DGKI: variants seen among roughly 807,000 people sequenced by gnomAD.
DGKI encodes the protein DAG kinase iota.
A neutral mutation model predicts 147.5 loss-of-function variants in DGKI; 55 were observed. That is an observed-to-expected ratio of 0.37 (90% CI 0.30 to 0.47). The LOEUF (loss-of-function observed/expected upper bound fraction) is 0.47, where lower values mean the gene tolerates loss of function less well. Ranked by LOEUF, DGKI falls within the 20% of genes least tolerant of loss-of-function variation. The probability of loss-of-function intolerance (pLI) is 1.00; values close to 1 mark genes in which losing one functional copy is unlikely to be tolerated. For missense variants in DGKI, 1,007 were observed against 1,323.8 expected (o/e 0.76, Z 3.71); for synonymous variants, 469 against 477.1 (o/e 0.98, Z 0.22).
chr7:137,470,416 G>C (rs1038023547), intron 23 of DGKI, among the ~76,000 whole-genome samples: 1 of 151,948 alleles, frequency 6.6e-6, no homozygotes, highest in Admixed American at 6.6e-5. Context: ...TTTAGACTCT[G>C]GACTATCTTT....
intron 1 of DGKI, among the ~76,000 whole-genome samples, chr7:137,714,679 C>A (rs1794324067): frequency 6.6e-6 from 1 of 152,190 alleles, no homozygotes; most frequent in East Asian, 1.9e-4. Context: ...TATTTCAGTT[C>A]ACCCTAACCA....
intron 1 of DGKI, among the ~76,000 whole-genome samples, chr7:137,711,265 T>C (rs1794202941): frequency 6.6e-6 from 1 of 152,176 alleles, no homozygotes; most frequent in Non-Finnish European, 1.5e-5. Flanking sequence ...CCCTAGATAA[T>C]CTCTGGTATA....
At chr7:137,788,408 G>A (rs937853844) in intron 1 of DGKI, among the ~76,000 whole-genome samples, 2 of 151,792 alleles carry the variant, frequency 1.3e-5, no homozygotes, top group Non-Finnish European at 2.9e-5. Context: ...TTCTAAACTG[G>A]AACACTCAAT....
At chr7:137,779,723 C>T (rs1431922377) in intron 1 of DGKI, among the ~76,000 whole-genome samples, 1 of 152,040 alleles carries the variant, frequency 6.6e-6, no homozygotes, top group East Asian at 1.9e-4. Context: ...CAGACTAAGA[C>T]AGTTTATAAG....
intron 21 of DGKI, among the ~76,000 whole-genome samples, chr7:137,489,877 T>C (rs902369148): frequency 2.0e-5 from 3 of 152,178 alleles, no homozygotes; most frequent in Admixed American, 1.3e-4. Context: ...TTGGAGTTAG[T>C]CTGGTCCAAG....
At chr7:137,766,647 A>G (rs1796022698) in intron 1 of DGKI, among the ~76,000 whole-genome samples, 1 of 152,194 alleles carries the variant, frequency 6.6e-6, no homozygotes, top group South Asian at 2.1e-4. Flanking sequence ...CTTCCCACTC[A>G]GCACACCCAG....
intron 27 of DGKI, among the ~76,000 whole-genome samples, chr7:137,453,657 A>G (rs1814065896): frequency 6.6e-6 from 1 of 152,154 alleles, no homozygotes; most frequent in Non-Finnish European, 1.5e-5. Flanking sequence ...AGGGAATGCC[A>G]AGCAGCCTCA....
chr7:137,833,041 A>G (rs1322799571), intron 1 of DGKI, among the ~76,000 whole-genome samples: 1 of 152,178 alleles, frequency 6.6e-6, no homozygotes, highest in East Asian at 1.9e-4. Context: ...TCATGCCACT[A>G]TGAGCATTTT....
rs376978284 is a variant in DGKI, at chr7:137,807,187, A to G, written c.401+39275T>C. On this transcript the variant is annotated intron_variant, in intron 1 of 32. Transcript: ENST00000614521. ...TGCATATGCAGTACTGAAAGAACGC[A>G]TAATGGTTCCCAAATACTTCTTTAC... Among the ~76,000 whole-genome samples, 4 of 152,280 alleles carry G rather than the reference A, an allele frequency of 2.6e-5. No individual in the cohort carries two copies. In the East Asian group the frequency reaches 7.7e-4, roughly 29 times the overall value.
Position 137,634,061 on chromosome 7 carries a change from A to G in DGKI, c.805-10507T>C, listed in dbSNP as rs150115357. ...GTCAATGAAGCTTCTAGGGGTCAGT[A>G]GTCCAAGGTATGCTAGAATATCCTC... On this transcript the variant is annotated intron_variant, in intron 6 of 32. Transcript: ENST00000614521. 2.6e-5 allele frequency among the ~76,000 whole-genome samples: 4 copies of G among 152,380 alleles called. No individual in the cohort carries two copies. In the East Asian group the frequency reaches 7.7e-4, roughly 29 times the overall value.
chr7:137,645,110 C>T (rs983779608), intron 6 of DGKI, among the ~76,000 whole-genome samples: 2 of 152,218 alleles, frequency 1.3e-5, no homozygotes, highest in Non-Finnish European at 2.9e-5. Context: ...TTTATATTAG[C>T]AAACGTAGTG....
chr7:137,809,248 C>G lies in DGKI; in HGVS notation c.401+37214G>C, dbSNP rs558030619. 1.6e-4 allele frequency among the ~76,000 whole-genome samples: 24 copies of G among 152,048 alleles called. 1 individual carries two copies. Among genetic ancestry groups the G allele is most frequent in the African/African-American group, 5.8e-4 (24 of 41,492 alleles). ...GATTGAAATGAAGAAAAACTGGAGA[C>G]GGGAACAGGAGGCTACAGAATAGCA... On this transcript the variant is annotated intron_variant, in intron 1 of 32. Transcript: ENST00000614521.
chr7:137,552,737 G>A (rs1016698091), intron 19 of DGKI, among the ~76,000 whole-genome samples, 169 bp from the exon 20 acceptor site: 4 of 147,912 alleles, frequency 2.7e-5, no homozygotes, highest in African/African-American at 1.0e-4. Context: ...GGCGAGACCC[G>A]GTCTCTACTA....
chr7:137,586,655 C>T lies in DGKI; in HGVS notation c.1425+442G>A, dbSNP rs1819411091. Reference sequence around the variant, plus strand: ...CTATACAGCCAAAGCTCTGATGACACTAATCAAAACAAAACAAAATAAAAT... The same window carrying T: ...CTATACAGCCAAAGCTCTGATGACATTAATCAAAACAAAACAAAATAAAAT... On this transcript the variant is annotated intron_variant, in intron 13 of 32. Transcript: ENST00000614521. Among the ~76,000 whole-genome samples the T allele has an allele frequency of 1.3e-5, 2 of 151,750 alleles. 1 individual carries two copies. The highest frequency in any genetic ancestry group is 4.2e-4 in the South Asian group (2 of 4,788).
chr7:137,385,221 TG>T lies in DGKI; in HGVS notation c.*5998del, dbSNP rs1010348366. Reference sequence around the variant, plus strand: ...TTACACCTTTTAGTATGTTTTCTTTTGACTAGCTCTTAAATTCATGCTTAGT... The same window carrying T: ...TTACACCTTTTAGTATGTTTTCTTTTACTAGCTCTTAAATTCATGCTTAGT... On this transcript the variant is annotated 3_prime_UTR_variant, in exon 33 of 33. Coordinates refer to ENST00000614521, the MANE Select transcript of DGKI (RefSeq NM_001321708.2). The T allele has an allele frequency of 2.6e-5, 4 of 152,224 alleles. No individual in the cohort carries two copies. Among genetic ancestry groups the T allele is most frequent in the Middle Eastern group, 3.4e-3 (1 of 294 alleles). 9.4% of individuals were successfully genotyped at this position (152,224 alleles called of 1,614,324 possible).
chr7:137,620,439 C>G (rs1258758300), intron 7 of DGKI, among the ~76,000 whole-genome samples: 2 of 152,182 alleles, frequency 1.3e-5, no homozygotes, highest in Non-Finnish European at 2.9e-5. Flanking sequence ...ACCTGCCTTT[C>G]CTTTTCCTAT....
At chr7:137,590,827 G>A (rs1273942185) in intron 12 of DGKI, among the ~76,000 whole-genome samples, 1 of 152,126 alleles carries the variant, frequency 6.6e-6, no homozygotes, top group Admixed American at 6.5e-5. Context: ...CGAGCAGCTG[G>A]GACCACAGGT....
intron 19 of DGKI, among the ~76,000 whole-genome samples, chr7:137,554,721 C>T (rs1354011393): frequency 6.6e-6 from 1 of 151,806 alleles, no homozygotes; most frequent in African/African-American, 2.4e-5. Flanking sequence ...CAAGAGCAAA[C>T]CTTACTCTCC....
intron 28 of DGKI, among the ~76,000 whole-genome samples, chr7:137,424,831 G>C (rs559038963): frequency 2.5e-4 from 38 of 152,340 alleles, no homozygotes; most frequent in African/African-American, 8.2e-4. Context: ...GAGCGAGACT[G>C]GGGGAGGGGC....
Sources: allele counts gnomAD v4.1 joint callset (sites outside exome capture counted in the v4.1 genomes callset), GRCh38; gene constraint gnomAD v4.1.1; transcripts MANE v1.5; gene names NCBI Gene and HGNC (gene_info 2026-07-23, HGNC 2026-07-21).